MEI4: variants seen among roughly 807,000 people sequenced by gnomAD.
The protein encoded by MEI4 is meiotic double-stranded break formation protein 4, also known as meiosis-specific protein MEI4.
Under a neutral mutation model 31.4 loss-of-function variants are expected in MEI4, and 27 were observed. That is an observed-to-expected ratio of 0.86 (90% CI 0.63 to 1.19). MEI4 has a LOEUF of 1.19. MEI4 is among the 50% of genes most tolerant of loss of function. The pLI is 0.00. For synonymous variants in MEI4, 122 were observed against 145.4 expected (o/e 0.84, Z 1.16); for missense variants, 329 against 398.9 (o/e 0.82, Z 1.49).
chr6:77,835,848 TATTAAC>T (rs1207433605), intron 4 of MEI4, among the ~76,000 whole-genome samples: 3 of 152,100 alleles, frequency 2.0e-5, no homozygotes, highest in African/African-American at 7.2e-5. Context: ...ATTATTTCTG[TATTAAC>T]ATTCATAGAT....
At chr6:77,906,979 A>G (rs927925242) in intron 4 of MEI4, among the ~76,000 whole-genome samples, 44 of 151,976 alleles carry the variant, frequency 2.9e-4, no homozygotes, top group African/African-American at 9.9e-4. Flanking sequence ...ACAGCGTCTG[A>G]GACATTTATA....
chr6:77,739,633 A>T (rs1442186730), intron 2 of MEI4, among the ~76,000 whole-genome samples: 2 of 152,060 alleles, frequency 1.3e-5, no homozygotes, highest in African/African-American at 4.8e-5. Context: ...CTTGAAACCT[A>T]GATGATGGGT....
chr6:77,842,884 G>T (rs1023471479), intron 4 of MEI4, among the ~76,000 whole-genome samples: 1 of 151,898 alleles, frequency 6.6e-6, no homozygotes, highest in African/African-American at 2.4e-5. Context: ...GAAGAAATAG[G>T]TAACCTTGAT....
intron 1 of MEI4, among the ~76,000 whole-genome samples, chr6:77,660,843 T>C (rs1209063373): frequency 6.6e-6 from 1 of 152,018 alleles, no homozygotes; most frequent in Non-Finnish European, 1.5e-5. Context: ...GTACTATAGA[T>C]GACTAAGTAG....
At chr6:77,791,431 A>T (rs1374399316) in intron 3 of MEI4, among the ~76,000 whole-genome samples, 7 of 150,448 alleles carry the variant, frequency 4.7e-5, no homozygotes, top group African/African-American at 1.7e-4. Context: ...TATCGCAAGA[A>T]CAAAAAACCA....
chr6:77,849,922 C>T (rs1016143696), intron 4 of MEI4, among the ~76,000 whole-genome samples: 1 of 152,138 alleles, frequency 6.6e-6, no homozygotes, highest in East Asian at 1.9e-4. Context: ...TAAACCCATA[C>T]TGAAGAACAC....
intron 3 of MEI4, among the ~76,000 whole-genome samples, chr6:77,827,445 C>G (rs1769983117): frequency 6.6e-6 from 1 of 151,248 alleles, no homozygotes; most frequent in East Asian, 1.9e-4. Flanking sequence ...ACTCTGACAC[C>G]TCAGCTGCTA....
chr6:77,681,631 C>G (rs1051712852), intron 1 of MEI4, among the ~76,000 whole-genome samples: 1 of 152,110 alleles, frequency 6.6e-6, no homozygotes, highest in Non-Finnish European at 1.5e-5. Context: ...ATCCAGAGAT[C>G]ATTCCTGTGA....
rs183069902 is a variant in MEI4, at chr6:77,822,745, G to A, written c.769-6186G>A. 1.0e-3 allele frequency among the ~76,000 whole-genome samples: 157 copies of A among 150,116 alleles called. 1 individual carries two copies. In the East Asian group the frequency reaches 0.03, roughly 28 times the overall value. Reference sequence around the variant, plus strand: ...AGCTATTCTCCTGTCTCAGCCTCCCGAGTAGCTGGGAATACAGGCACCCAC... The same window carrying A: ...AGCTATTCTCCTGTCTCAGCCTCCCAAGTAGCTGGGAATACAGGCACCCAC... On this transcript the variant is annotated intron_variant, in intron 3 of 4. Transcript: ENST00000684080.
chr6:77,794,735 G>T (rs1769033764), intron 3 of MEI4, among the ~76,000 whole-genome samples: 1 of 152,052 alleles, frequency 6.6e-6, no homozygotes, highest in East Asian at 1.9e-4. Flanking sequence ...TTGAATAACA[G>T]TGTAGTTCAA....
intron 3 of MEI4, among the ~76,000 whole-genome samples, chr6:77,825,071 T>G (rs1769911255): frequency 6.6e-6 from 1 of 152,154 alleles, no homozygotes; most frequent in South Asian, 2.1e-4. Flanking sequence ...TCATATTTTT[T>G]CATTATATTC....
intron 4 of MEI4, among the ~76,000 whole-genome samples, chr6:77,863,785 C>G (rs181013274): frequency 3.1e-4 from 47 of 152,272 alleles, no homozygotes; most frequent in African/African-American, 1.1e-3. Context: ...TTGTCAGATT[C>G]ACCAAAGTTG....
chr6:77,743,028 A>G (rs9341688), intron 2 of MEI4, among the ~76,000 whole-genome samples: 2,605 of 151,226 alleles, frequency 0.017, 53 homozygotes, highest in East Asian at 0.086. Context: ...CTGTAGCCTT[A>G]TAGTATAGTT....
At chr6:77,778,150 T>TG (rs1768504565) in intron 3 of MEI4, among the ~76,000 whole-genome samples, 1 of 11,948 alleles carries the variant, frequency 8.4e-5, no homozygotes. Flanking sequence ...CGGGGGGTGG[T>TG]GGGGTGGGAA....
At chr6:77,906,038 C>T (rs1170246620) in intron 4 of MEI4, among the ~76,000 whole-genome samples, 6 of 151,882 alleles carry the variant, frequency 4.0e-5, no homozygotes, top group African/African-American at 1.5e-4. Flanking sequence ...TTTTTTAATA[C>T]AATTTTAATA....
At position 77,820,094 on chromosome 6, in the gene MEI4, T is replaced by C. The variant is rs1346323782; in HGVS notation, c.769-8837T>C. The stretch of plus-strand genomic sequence containing the variant: ...CCTTCTATCACTGTGTACTTGGCAG[T>C]GTCAGTATCAGGATATGAGTTGTTT... On this transcript the variant is annotated intron_variant, in intron 3 of 4. Transcript: ENST00000684080. The surrounding 1 kb of genome is among the most constrained non-coding windows in gnomAD (Gnocchi z 4.5). 6.6e-6 allele frequency among the ~76,000 whole-genome samples: 1 copy of C among 152,158 alleles called. No individual in the cohort carries two copies. The highest frequency in any genetic ancestry group is 1.5e-5 in the Non-Finnish European group (1 of 68,022).
chr6:77,744,088 C>A (rs1582091382), intron 2 of MEI4, among the ~76,000 whole-genome samples: 1 of 152,294 alleles, frequency 6.6e-6, no homozygotes, highest in East Asian at 1.9e-4. Flanking sequence ...GAATGCAGTT[C>A]CTCACCAGCA....
At chr6:77,918,805 G>C (rs540051232) in intron 4 of MEI4, among the ~76,000 whole-genome samples, 6 of 151,922 alleles carry the variant, frequency 3.9e-5, no homozygotes. Context: ...CCAATACTAT[G>C]TTGAATAGGA....
chr6:77,765,844 A>C (rs889138095), intron 3 of MEI4, among the ~76,000 whole-genome samples: 4 of 152,168 alleles, frequency 2.6e-5, no homozygotes, highest in African/African-American at 9.7e-5. Flanking sequence ...ATACCATTGA[A>C]TATTATGCAG....
Sources: allele counts gnomAD v4.1 joint callset (sites outside exome capture counted in the v4.1 genomes callset), GRCh38; gene constraint gnomAD v4.1.1; non-coding constraint Gnocchi (gnomAD v3.1); transcripts MANE v1.5; gene names NCBI Gene and HGNC (gene_info 2026-07-23, HGNC 2026-07-21).